The following CAND2 variants were observed in gnomAD, a reference collection of about 807,000 sequenced individuals.
The protein encoded by CAND2 is cullin associated and neddylation dissociated 2 (putative).
In CAND2, 62 loss-of-function variants were observed where a neutral mutation model predicts 98.9. The ratio of observed to expected loss-of-function variants is 0.63; its 90% CI spans 0.51 to 0.77. The LOEUF is 0.77. Among genes scored for constraint, CAND2 ranks in the 30% least tolerant of loss-of-function variants. CAND2 has a pLI of 0.00. For synonymous variants in CAND2, 770 were observed against 731.9 expected, an observed-to-expected ratio of 1.05 and a Z score of -0.84; for missense variants, 1,501 against 1,655.2, an observed-to-expected ratio of 0.91 and a Z score of 1.62.
chr3:12,830,752 T>C (rs2062046300), intron 13 of CAND2, among the ~76,000 whole-genome samples: 1 of 152,218 alleles, frequency 6.6e-6, no homozygotes, highest in Admixed American at 6.5e-5. Context: ...TGTCTAGTTC[T>C]AGGGCACAGG....
At chr3:12,804,392 G>A (rs1367645896) in intron 2 of CAND2, among the ~76,000 whole-genome samples, 1 of 152,128 alleles carries the variant, frequency 6.6e-6, no homozygotes, top group Non-Finnish European at 1.5e-5. Flanking sequence ...GAACCCAGGA[G>A]GCAGAGATTG....
chr3:12,829,442 C>T (rs6442337), intron 13 of CAND2, among the ~76,000 whole-genome samples: 10,528 of 152,282 alleles, frequency 0.069, 1,090 homozygotes, highest in African/African-American at 0.23. Flanking sequence ...CCACCACGCC[C>T]GGCCCCATAT....
At chr3:12,799,211 C>G (rs562680732) in intron 1 of CAND2, among the ~76,000 whole-genome samples, 5 of 152,224 alleles carry the variant, frequency 3.3e-5, no homozygotes, top group African/African-American at 1.2e-4. Flanking sequence ...TTCTTACTAC[C>G]TCATGCTAAG....
chr3:12,796,712 G>T lies in CAND2; in HGVS notation c.-9G>T. On this transcript the variant is annotated 5_prime_UTR_variant, in exon 1 of 15. Coordinates refer to ENST00000456430, the MANE Select transcript of CAND2 (RefSeq NM_001162499.2). ...CTCCCGCCGGCCGGCTCCGCGGCGC[G>T]CAGCCACCATGAGCACCGCCGCCTT... 6.4e-7 allele frequency: 1 copy of T among 1,571,324 alleles called. No individual in the cohort carries two copies. Among genetic ancestry groups the T allele is most frequent in the Non-Finnish European group, 8.6e-7 (1 of 1,159,376 alleles).
At chr3:12,803,403 T>C (rs2061781129) in intron 1 of CAND2, 85 bp from the exon 2 acceptor site, 1 of 1,328,858 alleles carries the variant, frequency 7.5e-7, no homozygotes, top group South Asian at 1.6e-5. Context: ...TATTAAGGTC[T>C]ACTTCTAGGG....
chr3:12,797,109 C>G (rs551522225), intron 1 of CAND2, among the ~76,000 whole-genome samples: 30 of 151,398 alleles, frequency 2.0e-4, no homozygotes, highest in African/African-American at 6.8e-4. Context: ...CTGCCTCGGC[C>G]TCTCCTCCCT....
At chr3:12,825,021 C>A (rs756720512) in intron 11 of CAND2, among the ~76,000 whole-genome samples, 1 of 152,192 alleles carries the variant, frequency 6.6e-6, no homozygotes, top group South Asian at 2.1e-4. Context: ...AGAGCCTCAC[C>A]TGTAATAACA....
intron 13 of CAND2, among the ~76,000 whole-genome samples, chr3:12,830,682 T>C (rs1173869579): frequency 6.6e-6 from 1 of 152,214 alleles, no homozygotes; most frequent in Non-Finnish European, 1.5e-5. Flanking sequence ...TCATCAAGTC[T>C]TCAAGTGAGC....
Position 12,808,236 on chromosome 3 carries a change from C to T in CAND2, c.394C>T (p.Arg132Trp), listed in dbSNP as rs902116407. ...TGSGLATNVCRKITGQLTSAI... is the reference protein window; with the variant it reads ...TGSGLATNVCWKITGQLTSAI... ...CTCCGGGCTGGCCACCAACGTGTGC[C>T]GGAAGATCACAGGCCAGCTCACCAG... is the stretch of plus-strand genomic sequence containing the variant. Residue 132 changes from arginine to tryptophan, a missense_variant, in exon 4 of 15, where the codon CGG becomes TGG. Physicochemically the swap from Arg to Trp is moderately radical, Grantham distance 101 (BLOSUM62 -3). This residue lies in a region of CAND2 where 1,427 missense variants were observed against 1,545.3 expected (regional missense o/e 0.92). Transcript: ENST00000456430. The T allele has an allele frequency of 1.5e-5, 23 of 1,551,140 alleles. No individual in the cohort carries two copies. In the African/African-American group the frequency reaches 1.5e-4, roughly 10 times the overall value.
intron 5 of CAND2, among the ~76,000 whole-genome samples, chr3:12,811,547 T>C (rs1419534870): frequency 6.6e-6 from 1 of 152,252 alleles, no homozygotes; most frequent in Non-Finnish European, 1.5e-5. Context: ...ATCGAGTGCC[T>C]GCTCGTGTAG....
rs1426264879 is a variant in CAND2 at position 12,806,059 on chromosome 3, A to G, written c.213-1247A>G. The stretch of plus-strand genomic sequence containing the variant: ...TTGAGAGAACCAAGGTTTGAAAACC[A>G]TGGTGCACATGCCTGTAGTCCTAGC... On this transcript the variant is annotated intron_variant, in intron 2 of 14. Coordinates refer to ENST00000456430, the MANE Select transcript of CAND2 (RefSeq NM_001162499.2). 6.6e-5 allele frequency among the ~76,000 whole-genome samples: 10 copies of G among 152,298 alleles called. No individual in the cohort carries two copies. In the East Asian group the frequency reaches 1.9e-3, roughly 29 times the overall value.
intron 1 of CAND2, among the ~76,000 whole-genome samples, chr3:12,801,156 G>A (rs2124832915): frequency 6.6e-6 from 1 of 150,964 alleles, no homozygotes; most frequent in East Asian, 2.0e-4. Flanking sequence ...ACCTGCCTCA[G>A]CCTTCCCAGT....
rs2061813975 is a variant in CAND2, at chr3:12,807,324, C to G, written c.231C>G (p.Val77=). ...TGCTCAGCCTGGGTCCTCTGGTGGT[C>G]AAAGTGAAGGAGTACCAGGTGGAGA... ...LAVKCLGPLV[V]KVKEYQVETI... Residue 77 remains valine, a synonymous_variant, in exon 3 of 15, where the codon GTC becomes GTG. Transcript: ENST00000456430. The G allele has an allele frequency of 1.3e-6, 2 of 1,551,440 alleles. No homozygotes were observed. Among genetic ancestry groups the G allele is most frequent in the Admixed American group, 3.9e-5 (2 of 50,976 alleles).
intron 11 of CAND2, among the ~76,000 whole-genome samples, chr3:12,825,220 T>C (rs1277184622): frequency 6.6e-6 from 1 of 152,012 alleles, no homozygotes; most frequent in Non-Finnish European, 1.5e-5. Flanking sequence ...GATGAGGACA[T>C]TGAGGCTCTC....
At chr3:12,803,449 A>C (rs768943555) in intron 1 of CAND2, 39 bp from the exon 2 acceptor site, 5 of 1,545,884 alleles carry the variant, frequency 3.2e-6, no homozygotes, top group Non-Finnish European at 2.6e-6. Context: ...ACCAGGGCCC[A>C]GGAGCTGCTC....
intron 2 of CAND2, 63 bp downstream of exon 2, chr3:12,803,694 A>G: frequency 2.7e-6 from 4 of 1,468,278 alleles, no homozygotes; most frequent in Non-Finnish European, 3.7e-6. Flanking sequence ...CATCCTGGGG[A>G]CCGCTGTCCC....
chr3:12,807,487 T>G, intron 3 of CAND2, 27 bp downstream of exon 3: 1 of 1,533,850 alleles, frequency 6.5e-7, no homozygotes, highest in Admixed American at 2.1e-5. Flanking sequence ...GACTAGGTAC[T>G]GTTAGTATTT....
Position 12,827,621 on chromosome 3 carries a change from T to TGGGG in CAND2, c.3375+18_3375+19insGGGG. 2 of 1,594,096 alleles carry TGGGG rather than the reference T, an allele frequency of 1.3e-6. No homozygotes were observed. The highest frequency in any genetic ancestry group is 1.7e-6 in the Non-Finnish European group (2 of 1,167,902). On this transcript the variant is annotated intron_variant, in intron 13 of 14. Transcript: ENST00000456430. ...GACATCCGGGTAAGACCAAGCCCCC[T>TGGGG]GCCAGATCTATGTGCCCCTGTACCA...
At chr3:12,801,193 G>A (rs965559584) in intron 1 of CAND2, among the ~76,000 whole-genome samples, 6 of 151,724 alleles carry the variant, frequency 4.0e-5, no homozygotes, top group Non-Finnish European at 8.8e-5. Flanking sequence ...GTCTGCCACC[G>A]CGCTCGGCTA....
Sources: allele counts gnomAD v4.1 joint callset (sites outside exome capture counted in the v4.1 genomes callset), GRCh38; gene constraint gnomAD v4.1.1; regional missense constraint gnomAD v4.1.1; transcripts MANE v1.5; gene names NCBI Gene and HGNC (gene_info 2026-07-23, HGNC 2026-07-21).